The following LRP1B variants were observed in gnomAD, a reference collection of about 807,000 sequenced individuals.
LRP1B encodes LDL receptor related protein 1B.
A neutral mutation model predicts 556.6 loss-of-function variants in LRP1B; 217 were observed. The observed-to-expected ratio is 0.39, with a 90% confidence interval of 0.35 to 0.44. The LOEUF is 0.44. LRP1B is among the 20% of genes least tolerant of loss of function. The probability of loss-of-function intolerance (pLI) is 1.00; values close to 1 mark genes in which losing one functional copy is unlikely to be tolerated. For synonymous variants in LRP1B, 2,047 were observed against 1,865.8 expected, an observed-to-expected ratio of 1.10 and a Z score of -2.50; for missense variants, 5,053 against 5,620.8, an observed-to-expected ratio of 0.90 and a Z score of 3.23.
chr2:141,901,153 T>C (rs918418378), intron 1 of LRP1B, among the ~76,000 whole-genome samples: 11 of 152,164 alleles, frequency 7.2e-5, no homozygotes, highest in Non-Finnish European at 1.6e-4. Flanking sequence ...ACAGGACAAA[T>C]GCACTAAGGA....
chr2:141,400,563 C>A (rs1690413171), intron 3 of LRP1B, among the ~76,000 whole-genome samples: 1 of 152,110 alleles, frequency 6.6e-6, no homozygotes. Context: ...CTAGATACAC[C>A]TAACATTTGA....
intron 6 of LRP1B, among the ~76,000 whole-genome samples, chr2:141,191,065 T>C (rs902085893): frequency 2.6e-5 from 4 of 151,912 alleles, no homozygotes; most frequent in Admixed American, 2.6e-4. Flanking sequence ...TCTGAACAGG[T>C]GATGCTAAAT....
At chr2:140,339,770 C>G (rs946534184) in intron 77 of LRP1B, among the ~76,000 whole-genome samples, 3 of 151,266 alleles carry the variant, frequency 2.0e-5, no homozygotes, top group Admixed American at 1.3e-4. Context: ...AATCAAGGAG[C>G]TCATACAGCA....
At chr2:141,116,083 G>T (rs1700892085) in intron 7 of LRP1B, among the ~76,000 whole-genome samples, 1 of 151,966 alleles carries the variant, frequency 6.6e-6, no homozygotes, top group African/African-American at 2.4e-5. Context: ...TTTAAAGAAT[G>T]AGTTCTTTAA....
chr2:141,675,417 AG>A (rs1479766538), intron 2 of LRP1B, among the ~76,000 whole-genome samples: 1 of 151,904 alleles, frequency 6.6e-6, no homozygotes, highest in Non-Finnish European at 1.5e-5. Flanking sequence ...AATTTTATAT[AG>A]GCCATAGAAC....
At chr2:141,343,308 A>AACTT (rs756428409) in intron 3 of LRP1B, among the ~76,000 whole-genome samples, 3 of 152,128 alleles carry the variant, frequency 2.0e-5, no homozygotes, top group South Asian at 2.1e-4. Context: ...TAGCTTCTTG[A>AACTT]ACTTATGGAA....
At chr2:141,287,490 TG>T (rs945005136) in intron 3 of LRP1B, among the ~76,000 whole-genome samples, 6 of 152,254 alleles carry the variant, frequency 3.9e-5, no homozygotes, top group African/African-American at 1.2e-4. Flanking sequence ...GCCCTATTTT[TG>T]CTTTCTAATA....
chr2:140,431,560 C>T (rs1389819911), intron 66 of LRP1B, among the ~76,000 whole-genome samples: 2 of 152,128 alleles, frequency 1.3e-5, no homozygotes, highest in Non-Finnish European at 1.5e-5. Context: ...TGGTGCTATC[C>T]CCAAACTGCC....
chr2:140,404,891 C>T (rs1204694978), intron 66 of LRP1B, among the ~76,000 whole-genome samples: 2 of 152,152 alleles, frequency 1.3e-5, no homozygotes, highest in Non-Finnish European at 2.9e-5. Context: ...CAGATTTCTA[C>T]AAGACATGCT....
chr2:140,794,090 A>G (rs1462405440), intron 32 of LRP1B, among the ~76,000 whole-genome samples: 5 of 152,148 alleles, frequency 3.3e-5, no homozygotes, highest in African/African-American at 1.2e-4. Context: ...AATAGGAAAT[A>G]TAATTCTGAA....
intron 86 of LRP1B, among the ~76,000 whole-genome samples, chr2:140,258,909 A>G (rs573157952): frequency 6.6e-5 from 10 of 152,242 alleles, no homozygotes; most frequent in African/African-American, 2.4e-4. Flanking sequence ...TCATTAAGAA[A>G]TCTATTTTTT....
intron 17 of LRP1B, among the ~76,000 whole-genome samples, chr2:140,986,501 G>T (rs143710226): frequency 0.011 from 1,613 of 152,164 alleles, 11 homozygotes; most frequent in Middle Eastern, 0.027. Flanking sequence ...CCACAGTATT[G>T]CCAATGCTGA....
At chr2:140,258,150 T>G (rs1439220696) in intron 86 of LRP1B, among the ~76,000 whole-genome samples, 1 of 152,140 alleles carries the variant, frequency 6.6e-6, no homozygotes, top group Admixed American at 6.6e-5. Flanking sequence ...TATGTATTAC[T>G]CACCCTAAGG....
intron 2 of LRP1B, among the ~76,000 whole-genome samples, chr2:141,634,558 C>T (rs914360197): frequency 5.3e-5 from 8 of 151,996 alleles, no homozygotes; most frequent in African/African-American, 1.7e-4. Flanking sequence ...ATTGTTCTAC[C>T]CACATATTTC....
intron 6 of LRP1B, among the ~76,000 whole-genome samples, chr2:141,202,828 C>T (rs1363933610): frequency 6.6e-6 from 1 of 151,990 alleles, no homozygotes; most frequent in Non-Finnish European, 1.5e-5. Context: ...TTGCTGCACC[C>T]ATCAACCCGT....
intron 5 of LRP1B, among the ~76,000 whole-genome samples, chr2:141,231,962 A>G (rs1683489586): frequency 6.6e-6 from 1 of 152,182 alleles, no homozygotes; most frequent in Non-Finnish European, 1.5e-5. Context: ...AACCCACAAC[A>G]AAAATATTCT....
intron 27 of LRP1B, among the ~76,000 whole-genome samples, chr2:140,856,086 C>A (rs1163242561): frequency 1.3e-5 from 2 of 152,122 alleles, no homozygotes; most frequent in African/African-American, 4.8e-5. Context: ...AATATACCCA[C>A]CTCTCTTTCA....
intron 11 of LRP1B, among the ~76,000 whole-genome samples, chr2:141,046,050 G>T (rs1008728811): frequency 6.6e-6 from 1 of 152,022 alleles, no homozygotes; most frequent in Non-Finnish European, 1.5e-5. Context: ...CATTTAGGGG[G>T]TTTTCAATAA....
intron 1 of LRP1B, among the ~76,000 whole-genome samples, chr2:142,068,838 A>G (rs2104906868): frequency 6.6e-6 from 1 of 151,672 alleles, no homozygotes; most frequent in East Asian, 1.9e-4. Flanking sequence ...GCTAATGGTA[A>G]TATTTTTCTG....
Sources: allele counts gnomAD v4.1 joint callset (sites outside exome capture counted in the v4.1 genomes callset), GRCh38; gene constraint gnomAD v4.1.1; transcripts MANE v1.5; gene names NCBI Gene and HGNC (gene_info 2026-07-23, HGNC 2026-07-21).